PCDHGB4: variants seen among roughly 807,000 people sequenced by gnomAD.
PCDHGB4 encodes the protein protocadherin gamma-B4.
A neutral mutation model predicts 60.5 loss-of-function variants in PCDHGB4; 38 were observed. The observed-to-expected ratio is 0.63, with a 90% CI of 0.48 to 0.82. The LOEUF is 0.82. PCDHGB4 is among the 40% of genes least tolerant of loss of function. The pLI is 0.00. For synonymous variants in PCDHGB4, 456 were observed against 509.7 expected (o/e 0.89, Z 1.42); for missense variants, 1,109 against 1,209.6 (o/e 0.92, Z 1.23).
At chr5:141,423,994 A>G (rs2096794168) in intron 1 of PCDHGB4, 17 of 1,081,216 alleles carry the variant, frequency 1.6e-5, no homozygotes, top group Non-Finnish European at 1.8e-5. Flanking sequence ...TCAATTTATT[A>G]TATATAGATA....
chr5:141,484,426 C>T (rs377504062), intron 1 of PCDHGB4, among the ~76,000 whole-genome samples: 1 of 152,188 alleles, frequency 6.6e-6, no homozygotes, highest in African/African-American at 2.4e-5. Context: ...ACAATGAGAA[C>T]ATGTACTGCA....
intron 1 of PCDHGB4, among the ~76,000 whole-genome samples, chr5:141,435,308 A>G (rs2097757210): frequency 6.6e-6 from 1 of 152,186 alleles, no homozygotes; most frequent in African/African-American, 2.4e-5. Flanking sequence ...GTTTTAAATC[A>G]TTCATGAACT....
At chr5:141,423,470 A>C (rs904433654) in intron 1 of PCDHGB4, 54 of 1,613,884 alleles carry the variant, frequency 3.3e-5, no homozygotes, top group Non-Finnish European at 4.3e-5. Context: ...GACGGGGTAC[A>C]GGCTTTCCTG....
chr5:141,505,381 C>T lies in PCDHGB4; in HGVS notation c.2457-12C>T. On this transcript the variant is annotated splice_polypyrimidine_tract_variant and intron_variant, in intron 2 of 3. Transcript: ENST00000519479. Reference sequence around the variant, plus strand: ...CTGGGAGTCTGTGCTCACCATCCTACTCTCTCCCCAGCTCCCAAAATGGCG... The same window carrying T: ...CTGGGAGTCTGTGCTCACCATCCTATTCTCTCCCCAGCTCCCAAAATGGCG... 1 of 1,614,064 alleles carries T rather than the reference C, an allele frequency of 6.2e-7. No homozygotes were observed.
chr5:141,431,991 A>T lies in PCDHGB4; in HGVS notation c.2397+41710A>T, dbSNP rs1046547219. On this transcript the variant is annotated intron_variant, in intron 1 of 3. Transcript: ENST00000519479. The surrounding 1 kb of genome is among the most constrained non-coding windows in gnomAD (Gnocchi z 4.8). ...AGTTTAGTCACAGACATAGTCTTGG[A>T]TAGGGAACAGGTTCCTAGCTACAAC... is the stretch of plus-strand genomic sequence containing the variant. 5 of 1,614,100 alleles carry T rather than the reference A, an allele frequency of 3.1e-6. No individual in the cohort carries two copies. Among genetic ancestry groups the T allele is most frequent in the Non-Finnish European group, 3.4e-6 (4 of 1,180,050 alleles).
At chr5:141,503,743 G>C (rs1465272424) in intron 2 of PCDHGB4, among the ~76,000 whole-genome samples, 1 of 152,126 alleles carries the variant, frequency 6.6e-6, no homozygotes, top group Non-Finnish European at 1.5e-5. Context: ...TGATGGTATA[G>C]AGGTCACACA....
chr5:141,402,789 T>C (rs1047869740), intron 1 of PCDHGB4: 2 of 952,520 alleles, frequency 2.1e-6, no homozygotes, highest in South Asian at 4.2e-5. Context: ...GTTCTGCGGC[T>C]ACACAAAACC....
rs1415142555 is a variant in PCDHGB4, at chr5:141,476,011, A to G, written c.2398-18796A>G. The G allele has an allele frequency of 7.6e-7, 1 of 1,311,282 alleles. No individual in the cohort carries two copies. The highest frequency in any genetic ancestry group is 1.0e-6 in the Non-Finnish European group (1 of 962,238). 81.2% of individuals were successfully genotyped at this position (1,311,282 alleles called of 1,614,324 possible). ...GCAAATCAACGGCATCCAGAAAGCC[A>G]TGTCGGACTCGGCGCCCAGCGCCCA... On this transcript the variant is annotated intron_variant, in intron 1 of 3. Coordinates refer to ENST00000519479, the MANE Select transcript of PCDHGB4 (RefSeq NM_003736.4). This position sits in a 1 kb window ranked among gnomAD's most constrained non-coding sequence, Gnocchi z 7.6.
chr5:141,404,361 C>A, intron 1 of PCDHGB4: 3 of 1,613,956 alleles, frequency 1.9e-6, no homozygotes, highest in Non-Finnish European at 2.5e-6. Context: ...AGAGGTACTT[C>A]CATCTTCTCC....
chr5:141,409,781 G>A lies in PCDHGB4; in HGVS notation c.2397+19500G>A, dbSNP rs753415525. On this transcript the variant is annotated intron_variant, in intron 1 of 3. Transcript: ENST00000519479. ...CGCCTTTGATCACGAGCAGCTGCGC[G>A]CCTTCGCGCTCACGCTGCAGGCCCG... is the stretch of plus-strand genomic sequence containing the variant. The A allele has an allele frequency of 8.7e-6, 14 of 1,612,178 alleles. No individual in the cohort carries two copies. The highest frequency in any genetic ancestry group is 6.7e-5 in the Admixed American group (4 of 59,882).
At chr5:141,475,132 T>C (rs563015610) in intron 1 of PCDHGB4, among the ~76,000 whole-genome samples, 14 of 152,322 alleles carry the variant, frequency 9.2e-5, no homozygotes, top group African/African-American at 2.6e-4. Context: ...TTTTTTCTTT[T>C]TGAAATCTTC....
rs768994533 is a variant in PCDHGB4 at position 141,486,589 on chromosome 5, C to G, written c.2398-8218C>G. On this transcript the variant is annotated intron_variant, in intron 1 of 3. Transcript: ENST00000519479. This position sits in a 1 kb window ranked among gnomAD's most constrained non-coding sequence, Gnocchi z 5.0. Reference sequence around the variant, plus strand: ...TTCCTGAGAACAATCGCCCAGGGGACCTGCTTTGCTCCCTTGCAGCCTCTG... The same window carrying G: ...TTCCTGAGAACAATCGCCCAGGGGAGCTGCTTTGCTCCCTTGCAGCCTCTG... 1 of 1,613,676 alleles carries G rather than the reference C, an allele frequency of 6.2e-7. No individual in the cohort carries two copies. Among genetic ancestry groups the G allele is most frequent in the Non-Finnish European group, 8.5e-7 (1 of 1,179,996 alleles).
chr5:141,437,892 C>A (rs2097916583), intron 1 of PCDHGB4, among the ~76,000 whole-genome samples: 2 of 152,116 alleles, frequency 1.3e-5, no homozygotes, highest in Admixed American at 1.3e-4. Context: ...CACACGCCAC[C>A]ACACCCAGCT....
At chr5:141,441,615 G>A in intron 1 of PCDHGB4, 1 of 219,248 alleles carries the variant, frequency 4.6e-6, no homozygotes, top group Non-Finnish European at 9.2e-6. Context: ...TTCCATCGTG[G>A]CCAGTGACCT....
chr5:141,408,061 G>C, intron 1 of PCDHGB4: 1 of 1,332,898 alleles, frequency 7.5e-7, no homozygotes, highest in Non-Finnish European at 1.0e-6. Flanking sequence ...CCTCCCGGCT[G>C]CGCAGACCTT....
chr5:141,452,459 C>T (rs545368648), intron 1 of PCDHGB4, among the ~76,000 whole-genome samples: 38 of 152,246 alleles, frequency 2.5e-4, no homozygotes, highest in Middle Eastern at 6.8e-3. Context: ...TGTCAGCAGA[C>T]GGAGCTAGGA....
chr5:141,421,617 C>T, intron 1 of PCDHGB4: 3 of 1,613,768 alleles, frequency 1.9e-6, no homozygotes, highest in African/African-American at 1.3e-5. Context: ...TTAATGATAA[C>T]GCCCCCAGCT....
At position 141,494,693 on chromosome 5, in the gene PCDHGB4, G is replaced by A. The variant is rs2099756182; in HGVS notation, c.2398-114G>A. The A allele has an allele frequency of 5.0e-6, 8 of 1,585,786 alleles. No individual in the cohort carries two copies. In the South Asian group the frequency reaches 6.8e-5, roughly 13 times the overall value. ...GTCCACCCCTGCCCCCTCTTAGTCC[G>A]TTTTCTTCTCTGTGCCCACTCCCCT... is the stretch of plus-strand genomic sequence containing the variant. On this transcript the variant is annotated intron_variant, in intron 1 of 3. Transcript: ENST00000519479.
At chr5:141,467,748 G>A (rs186276272) in intron 1 of PCDHGB4, among the ~76,000 whole-genome samples, 22 of 151,912 alleles carry the variant, frequency 1.4e-4, no homozygotes, top group South Asian at 2.1e-4. Context: ...TGCAACCTCC[G>A]CCTCACATGC....
Sources: allele counts gnomAD v4.1 joint callset (sites outside exome capture counted in the v4.1 genomes callset), GRCh38; gene constraint gnomAD v4.1.1; non-coding constraint Gnocchi (gnomAD v3.1); transcripts MANE v1.5; gene names NCBI Gene and HGNC (gene_info 2026-07-23, HGNC 2026-07-21).